NPAS3: variants seen among roughly 807,000 people sequenced by gnomAD.
The protein encoded by NPAS3 is neuronal PAS domain protein 3.
Under a neutral mutation model 73.1 loss-of-function variants are expected in NPAS3, and 14 were observed. The observed-to-expected ratio is 0.19, with a 90% CI of 0.13 to 0.30. The LOEUF (loss-of-function observed/expected upper bound fraction) is 0.30. Among genes scored for constraint, NPAS3 ranks in the 10% least tolerant of loss-of-function variants. The pLI, the probability that NPAS3 is intolerant of heterozygous loss-of-function variation, is 1.00. For missense variants in NPAS3, 1,096 were observed against 1,250.0 expected, an observed-to-expected ratio of 0.88 and a Z score of 1.86; for synonymous variants, 620 against 541.5, an observed-to-expected ratio of 1.14 and a Z score of -2.01.
rs548900165 is a variant in NPAS3, at chr14:33,576,552, C to T, written c.558+16342C>T. ...CATTTAAAAAGCTACTGCTTGGTGGCAGTGTGAAATAACTTGGTTCTGTAC... is the reference window on the plus strand; with the variant it reads ...CATTTAAAAAGCTACTGCTTGGTGGTAGTGTGAAATAACTTGGTTCTGTAC... On this transcript the variant is annotated intron_variant, in intron 5 of 11. Transcript: ENST00000356141. Among the ~76,000 whole-genome samples, 301 of 152,222 alleles carry T rather than the reference C, an allele frequency of 2.0e-3. 1 individual carries two copies. Among genetic ancestry groups the T allele is most frequent in the Non-Finnish European group, 3.2e-3 (217 of 68,010 alleles).
intron 5 of NPAS3, among the ~76,000 whole-genome samples, chr14:33,664,388 A>T (rs1250138163): frequency 1.3e-5 from 2 of 152,228 alleles, no homozygotes; most frequent in African/African-American, 4.8e-5. Context: ...TTAAAGACTT[A>T]AACATAAGAC....
chr14:33,593,375 C>A (rs2057134898), intron 5 of NPAS3, among the ~76,000 whole-genome samples: 1 of 152,154 alleles, frequency 6.6e-6, no homozygotes, highest in Admixed American at 6.5e-5. Flanking sequence ...CCTAAAGCAC[C>A]CATCATAGTG....
chr14:33,311,794 G>A (rs1016140263), intron 3 of NPAS3, among the ~76,000 whole-genome samples: 2 of 152,118 alleles, frequency 1.3e-5, no homozygotes, highest in Non-Finnish European at 1.5e-5. Context: ...TACAAAAGGT[G>A]TAACTTGGCC....
At chr14:33,387,488 A>T (rs984739624) in intron 4 of NPAS3, among the ~76,000 whole-genome samples, 1 of 152,176 alleles carries the variant, frequency 6.6e-6, no homozygotes, top group Non-Finnish European at 1.5e-5. Flanking sequence ...CTTTGATGGA[A>T]GATTTTCCCA....
upstream of NPAS3, chr14:32,934,962 C>G (rs924957075): frequency 3.1e-6 from 4 of 1,302,766 alleles, no homozygotes; most frequent in African/African-American, 6.1e-5. This position sits in a 1 kb window ranked among gnomAD's most constrained non-coding sequence, Gnocchi z 4.1. Flanking sequence ...CGGCCAACGG[C>G]ACCCCGCAGA....
At chr14:33,014,537 G>A (rs902629504) in intron 1 of NPAS3, among the ~76,000 whole-genome samples, 1 of 152,092 alleles carries the variant, frequency 6.6e-6, no homozygotes, top group African/African-American at 2.4e-5. Flanking sequence ...TCTTTGAAAT[G>A]TGATGTATGA....
intron 1 of NPAS3, among the ~76,000 whole-genome samples, chr14:33,004,573 A>G (rs542819069): frequency 2.6e-4 from 39 of 152,070 alleles, no homozygotes; most frequent in Non-Finnish European, 4.9e-4. Context: ...ATTATTGTAC[A>G]TTACTCCAGA....
At chr14:33,243,021 G>C (rs1319663120) in intron 3 of NPAS3, among the ~76,000 whole-genome samples, 1 of 151,900 alleles carries the variant, frequency 6.6e-6, no homozygotes, top group African/African-American at 2.4e-5. Flanking sequence ...CAAATTAAGG[G>C]GACTGTTTTT....
rs571057580 is a variant in NPAS3 at position 33,214,935 on chromosome 14, A to C, written c.141-247A>C. On this transcript the variant is annotated intron_variant, in intron 2 of 11. Transcript: ENST00000356141. ...ACCTCAATGCATGGACAATTGAAGG[A>C]AAAAAACCTTAACAAGTAAAACACA... 3 of 506,882 alleles carry C rather than the reference A, an allele frequency of 5.9e-6. No homozygotes were observed. In the Admixed American group the frequency reaches 1.1e-4, roughly 18 times the overall value. 31.4% of individuals were successfully genotyped at this position (506,882 alleles called of 1,614,324 possible). A position where few individuals can be genotyped will look rare whatever the true frequency, so the allele number is the denominator to read the frequency against.
At chr14:33,575,182 C>T (rs1194773402) in intron 5 of NPAS3, among the ~76,000 whole-genome samples, 1 of 152,192 alleles carries the variant, frequency 6.6e-6, no homozygotes, top group Non-Finnish European at 1.5e-5. Context: ...TTAACTTTTA[C>T]CATTTAACAT....
chr14:33,767,959 C>G lies in NPAS3; in HGVS notation c.853-6378C>G, dbSNP rs142628419. ...TGGCAGGAACAGAAATATACATTTGCCCAAATAATGTGGCTTGTTAACACT... is the reference window on the plus strand; with the variant it reads ...TGGCAGGAACAGAAATATACATTTGGCCAAATAATGTGGCTTGTTAACACT... On this transcript the variant is annotated intron_variant, in intron 7 of 11. Transcript: ENST00000356141. Among the ~76,000 whole-genome samples the G allele has an allele frequency of 3.9e-5, 6 of 152,214 alleles. No individual in the cohort carries two copies. The East Asian group carries it at 1.2e-3, about 29-fold the overall frequency.
At chr14:33,466,521 C>G (rs376646286) in intron 4 of NPAS3, among the ~76,000 whole-genome samples, 3 of 152,166 alleles carry the variant, frequency 2.0e-5, no homozygotes, top group East Asian at 1.9e-4. Context: ...AGTTTGTTTA[C>G]TCCTTGTATT....
chr14:33,522,734 T>G (rs1186232183), intron 4 of NPAS3, among the ~76,000 whole-genome samples: 1 of 152,122 alleles, frequency 6.6e-6, no homozygotes, highest in Non-Finnish European at 1.5e-5. Context: ...CCTACTCCTT[T>G]GGTTATATGT....
chr14:33,173,924 T>C lies in NPAS3; in HGVS notation c.141-41258T>C, dbSNP rs187715378. ...AATTACAAACATTGGGAAATGCTTT[T>C]TGATGAATGGACAGAAATTAGTTAC... is the stretch of plus-strand genomic sequence containing the variant. On this transcript the variant is annotated intron_variant, in intron 2 of 11. Coordinates refer to ENST00000356141, the Ensembl canonical transcript of NPAS3. Among the ~76,000 whole-genome samples, 725 of 152,310 alleles carry C rather than the reference T, an allele frequency of 4.8e-3. 5 individuals are homozygous for C. The highest frequency in any genetic ancestry group is 8.4e-3 in the Non-Finnish European group (572 of 68,034).
chr14:33,344,425 G>A (rs1163585997), intron 3 of NPAS3, among the ~76,000 whole-genome samples: 1 of 152,136 alleles, frequency 6.6e-6, no homozygotes, highest in Non-Finnish European at 1.5e-5. Context: ...CATAATCAGT[G>A]CTGTGTTTCT....
Position 33,641,206 on chromosome 14 carries a change from C to T in NPAS3, c.559-35005C>T, listed in dbSNP as rs77239613. ...GACTTGTTTATCTAACTTCTTTCCACGGAGCATGGAAGATTTCAGCCTTAA... is the reference window on the plus strand; with the variant it reads ...GACTTGTTTATCTAACTTCTTTCCATGGAGCATGGAAGATTTCAGCCTTAA... On this transcript the variant is annotated intron_variant, in intron 5 of 11. Transcript: ENST00000356141. Among the ~76,000 whole-genome samples the T allele has an allele frequency of 8.4e-3, 1,286 of 152,280 alleles. 10 individuals carry two copies. The highest frequency in any genetic ancestry group is 0.012 in the Non-Finnish European group (838 of 68,016).
chr14:33,578,451 C>G (rs1253296611), intron 5 of NPAS3: 4 of 344,910 alleles, frequency 1.2e-5, no homozygotes, highest in South Asian at 6.7e-5. Context: ...GCCTCAGCCT[C>G]CCAAAGTGCT....
chr14:32,966,598 G>A (rs145672947), intron 1 of NPAS3, among the ~76,000 whole-genome samples: 6,671 of 77,690 alleles, frequency 0.086, 1,529 homozygotes, highest in South Asian at 0.16. Flanking sequence ...ATGAAACCCC[G>A]TCTCTACTAA....
intron 3 of NPAS3, among the ~76,000 whole-genome samples, chr14:33,319,893 G>A (rs2043364281): frequency 6.6e-6 from 1 of 152,128 alleles, no homozygotes; most frequent in South Asian, 2.1e-4. Context: ...TCATCCTTGT[G>A]TTACAAGTTC....
Sources: gnomAD v4.1 joint callset for allele counts (sites outside exome capture counted in the v4.1 genomes callset) on GRCh38, gnomAD v4.1.1 for gene constraint, Gnocchi (gnomAD v3.1) non-coding constraint, MANE v1.5 for transcripts, NCBI Gene and HGNC (gene_info 2026-07-23, HGNC 2026-07-21) for gene names.